Variants in CACUL1 observed in about 807,000 individuals in gnomAD.
CACUL1 encodes the protein CDK2 associated cullin domain 1.
A neutral mutation model predicts 45.2 loss-of-function variants in CACUL1; 13 were observed. That is an observed-to-expected ratio of 0.29 (90% CI 0.19 to 0.46). The LOEUF is 0.46. Ranked by LOEUF, CACUL1 falls within the 20% of genes least tolerant of loss-of-function variation. CACUL1 has a pLI of 1.00. For synonymous variants in CACUL1, 197 were observed against 174.2 expected, an observed-to-expected ratio of 1.13 and a Z score of -1.03; for missense variants, 421 against 471.4, an observed-to-expected ratio of 0.89 and a Z score of 0.99.
intron 3 of CACUL1, among the ~76,000 whole-genome samples, chr10:118,713,636 T>C (rs910532793): frequency 6.6e-6 from 1 of 152,240 alleles, no homozygotes; most frequent in Non-Finnish European, 1.5e-5. Context: ...TCAAATGAGT[T>C]CAAATGGGTT....
intron 1 of CACUL1, among the ~76,000 whole-genome samples, chr10:118,750,057 T>C (rs950942626): frequency 6.6e-6 from 1 of 152,260 alleles, no homozygotes; most frequent in African/African-American, 2.4e-5. Context: ...CCGGGCGTGG[T>C]GGCTCACGCC....
chr10:118,731,139 G>T (rs560275589), intron 1 of CACUL1, among the ~76,000 whole-genome samples: 1 of 152,016 alleles, frequency 6.6e-6, no homozygotes, highest in Non-Finnish European at 1.5e-5. Context: ...TGAAATCCAG[G>T]TAACAGTTGC....
At chr10:118,732,160 G>A (rs963172171) in intron 1 of CACUL1, among the ~76,000 whole-genome samples, 2 of 152,218 alleles carry the variant, frequency 1.3e-5, no homozygotes, top group Admixed American at 6.5e-5. Flanking sequence ...CAGCTGTGCT[G>A]AGGGTAAACT....
rs776872015 is a variant in CACUL1 at position 118,754,732 on chromosome 10, C to A, written c.31G>T (p.Gly11Cys). 5 of 1,600,876 alleles carry A rather than the reference C, an allele frequency of 3.1e-6. No homozygotes were observed. The highest frequency in any genetic ancestry group is 1.4e-5 in the African/African-American group (1 of 72,836). MEESMEEEEG[G>C]SYEAMMDDQN... is the part of the protein sequence containing the mutation. ...TCGTCCATCATCGCCTCGTAGCTGC[C>A]CCCCTCCTCCTCTTCCATGCTTTCC... is the stretch of plus-strand genomic sequence containing the variant. Residue 11 changes from glycine (G) to cysteine (C), a missense_variant, in exon 1 of 9, where the codon GGC becomes TGC. Around this residue, in one of 2 missense-constraint regions of CACUL1, gnomAD observed 213 missense variants for 173.1 expected, o/e 1.23. Coordinates refer to ENST00000369151, the MANE Select transcript of CACUL1 (RefSeq NM_153810.5).
intron 1 of CACUL1, among the ~76,000 whole-genome samples, chr10:118,731,420 T>C (rs895516640): frequency 1.3e-5 from 2 of 152,224 alleles, no homozygotes; most frequent in Non-Finnish European, 2.9e-5. Context: ...AGGTTCAAGA[T>C]TTTTTTCTAT....
intron 3 of CACUL1, among the ~76,000 whole-genome samples, chr10:118,710,812 CTCTAAA>C (rs1845477084): frequency 6.6e-6 from 1 of 152,214 alleles, no homozygotes; most frequent in African/African-American, 2.4e-5. Context: ...TAAACTTTGA[CTCTAAA>C]TCTAATTTAG....
rs560239353 is a variant in CACUL1, at chr10:118,744,423, C to G, written c.367+9973G>C. On this transcript the variant is annotated intron_variant, in intron 1 of 8. Coordinates refer to ENST00000369151, the MANE Select transcript of CACUL1 (RefSeq NM_153810.5). The stretch of plus-strand genomic sequence containing the variant: ...AAAAACAAACAAAAAAAACAAAGAT[C>G]TGGAATAGGTAAACCCAGAGAGACA... 2.2e-4 allele frequency among the ~76,000 whole-genome samples: 33 copies of G among 152,076 alleles called. No individual in the cohort carries two copies. In the East Asian group the frequency reaches 5.0e-3, roughly 23 times the overall value.
At chr10:118,702,777 T>A (rs1200510827) in intron 4 of CACUL1, among the ~76,000 whole-genome samples, 2 of 152,114 alleles carry the variant, frequency 1.3e-5, no homozygotes, top group Non-Finnish European at 2.9e-5. Context: ...AGATGGGGTT[T>A]CATCACATTG....
chr10:118,689,836 A>G (rs996051754), intron 7 of CACUL1, among the ~76,000 whole-genome samples: 4 of 152,242 alleles, frequency 2.6e-5, no homozygotes, highest in Admixed American at 2.6e-4. Context: ...CTATATTCCT[A>G]TACTGCTTCA....
chr10:118,710,359 A>G (rs1430913979), intron 3 of CACUL1, among the ~76,000 whole-genome samples: 1 of 152,172 alleles, frequency 6.6e-6, no homozygotes, highest in Non-Finnish European at 1.5e-5. Flanking sequence ...CTACAACTCA[A>G]AGCATGATCA....
chr10:118,735,472 A>C (rs1845732228), intron 1 of CACUL1, among the ~76,000 whole-genome samples: 1 of 152,244 alleles, frequency 6.6e-6, no homozygotes, highest in Non-Finnish European at 1.5e-5. Flanking sequence ...AGACCTGCTG[A>C]ATCAGAAATT....
Position 118,729,278 on chromosome 10 carries a change from T to A in CACUL1, c.597+17A>T. The A allele has an allele frequency of 6.3e-7, 1 of 1,587,286 alleles. No individual in the cohort carries two copies. The highest frequency in any genetic ancestry group is 8.6e-7 in the Non-Finnish European group (1 of 1,156,908). ...GAAAACCCAAGGAAGCAAAAATCAA[T>A]ACAATCAGTTCTTTACCTGCAGCTC... On this transcript the variant is annotated intron_variant, in intron 3 of 8. Transcript: ENST00000369151.
intron 5 of CACUL1, among the ~76,000 whole-genome samples, chr10:118,698,290 C>G (rs973145495): frequency 2.6e-5 from 4 of 151,840 alleles, no homozygotes; most frequent in East Asian, 1.9e-4. Context: ...ATTACAGGCA[C>G]GTGCCACCAC....
At chr10:118,723,790 T>C (rs1589613018) in intron 3 of CACUL1, among the ~76,000 whole-genome samples, 1 of 152,198 alleles carries the variant, frequency 6.6e-6, no homozygotes, top group Non-Finnish European at 1.5e-5. Context: ...TTTTTTCTTT[T>C]TGGGAGACGG....
chr10:118,754,740 T>G lies in CACUL1; in HGVS notation c.23A>C (p.Glu8Ala). 2 of 1,596,944 alleles carry G rather than the reference T, an allele frequency of 1.3e-6. No homozygotes were observed. The highest frequency in any genetic ancestry group is 1.7e-6 in the Non-Finnish European group (2 of 1,173,482). The change falls in exon 1 of 9, where the codon GAG becomes GCG. Residue 8 changes from glutamate (E) to alanine (A), a missense_variant. Around this residue, in one of 2 missense-constraint regions of CACUL1, gnomAD observed 213 missense variants for 173.1 expected, o/e 1.23. Transcript: ENST00000369151. ...CATCGCCTCGTAGCTGCCCCCCTCCTCCTCTTCCATGCTTTCCTCCATCCT... is the reference window on the plus strand; with the variant it reads ...CATCGCCTCGTAGCTGCCCCCCTCCGCCTCTTCCATGCTTTCCTCCATCCT... MEESMEE[E>A]EGGSYEAMMD...
At chr10:118,742,550 C>G (rs1027109108) in intron 1 of CACUL1, among the ~76,000 whole-genome samples, 2 of 152,086 alleles carry the variant, frequency 1.3e-5, no homozygotes, top group Admixed American at 1.3e-4. Context: ...GAAGTTCGGC[C>G]GGGAACAGAG....
chr10:118,728,895 G>A (rs969440983), intron 3 of CACUL1, among the ~76,000 whole-genome samples: 11 of 152,006 alleles, frequency 7.2e-5, no homozygotes, highest in African/African-American at 2.4e-4. Flanking sequence ...TATATTGAAA[G>A]GTATTATAAA....
At chr10:118,735,466 C>A (rs1027210063) in intron 1 of CACUL1, among the ~76,000 whole-genome samples, 2 of 152,242 alleles carry the variant, frequency 1.3e-5, no homozygotes, top group Non-Finnish European at 2.9e-5. Context: ...CAACACAGAC[C>A]TGCTGAATCA....
At chr10:118,725,483 G>C (rs1473819946) in intron 3 of CACUL1, among the ~76,000 whole-genome samples, 2 of 152,028 alleles carry the variant, frequency 1.3e-5, no homozygotes, top group Admixed American at 1.3e-4. Context: ...TAAATAAGAA[G>C]AGCGGAGTTA....
Sources: allele counts gnomAD v4.1 joint callset (sites outside exome capture counted in the v4.1 genomes callset), GRCh38; gene constraint gnomAD v4.1.1; regional missense constraint gnomAD v4.1.1; transcripts MANE v1.5; gene names NCBI Gene and HGNC (gene_info 2026-07-23, HGNC 2026-07-21).